The following NOS1AP variants were observed in gnomAD, a reference collection of about 807,000 sequenced individuals.
NOS1AP encodes the protein nitric oxide synthase 1 adaptor protein, also known as carboxyl-terminal PDZ ligand of neuronal nitric oxide synthase protein.
Under a neutral mutation model 56.2 loss-of-function variants are expected in NOS1AP, and 21 were observed. The ratio of observed to expected loss-of-function variants is 0.37; its 90% CI spans 0.26 to 0.54. NOS1AP has a LOEUF of 0.54. NOS1AP is among the 20% of genes least tolerant of loss of function. The probability of loss-of-function intolerance (pLI) is 0.84; values close to 1 mark genes in which losing one functional copy is unlikely to be tolerated. For synonymous variants in NOS1AP, 270 were observed against 274.6 expected (o/e 0.98, Z 0.17); for missense variants, 522 against 657.8 (o/e 0.79, Z 2.26).
At chr1:162,263,140 A>T (rs149502388) in intron 2 of NOS1AP, among the ~76,000 whole-genome samples, 55 of 152,336 alleles carry the variant, frequency 3.6e-4, no homozygotes, top group African/African-American at 1.0e-3. Flanking sequence ...GTAGGAAAAA[A>T]ATCCCTTCTA....
At chr1:162,264,472 TCCCCTCCCCTCCCCTCTC>T (rs1557855386) in intron 2 of NOS1AP, among the ~76,000 whole-genome samples, 86 of 97,184 alleles carry the variant, frequency 8.8e-4, no homozygotes, top group East Asian at 6.2e-3. Flanking sequence ...TCTCCTCCCC[TCCCCTCCCCTCCCCTCTC>T]CTCCTCTCCT....
chr1:162,168,980 G>A (rs956458793), intron 2 of NOS1AP, among the ~76,000 whole-genome samples: 3 of 152,178 alleles, frequency 2.0e-5, no homozygotes, highest in East Asian at 1.9e-4. Flanking sequence ...CAAGGATTCC[G>A]TCTCCCTCAG....
At chr1:162,213,738 A>G (rs1390213527) in intron 2 of NOS1AP, among the ~76,000 whole-genome samples, 1 of 151,858 alleles carries the variant, frequency 6.6e-6, no homozygotes, top group Non-Finnish European at 1.5e-5. Flanking sequence ...TTACTATTTG[A>G]CCCCTAGCTC....
At chr1:162,118,931 T>A (rs1157488730) in intron 1 of NOS1AP, among the ~76,000 whole-genome samples, 2 of 152,102 alleles carry the variant, frequency 1.3e-5, no homozygotes, top group African/African-American at 4.8e-5. Flanking sequence ...GGGAGTGGAA[T>A]TTAGCATATT....
At chr1:162,290,275 G>A (rs1655245957) in intron 3 of NOS1AP, among the ~76,000 whole-genome samples, 1 of 152,206 alleles carries the variant, frequency 6.6e-6, no homozygotes, top group Non-Finnish European at 1.5e-5. Flanking sequence ...CACACTTAGT[G>A]TCCGTTCCAG....
chr1:162,345,931 A>C (rs546561366), intron 6 of NOS1AP, among the ~76,000 whole-genome samples: 4 of 152,342 alleles, frequency 2.6e-5, no homozygotes, highest in African/African-American at 7.2e-5. Context: ...GAATAGAAAA[A>C]ATCCTGGAAA....
chr1:162,182,494 A>G (rs573210560), intron 2 of NOS1AP, among the ~76,000 whole-genome samples: 31 of 152,344 alleles, frequency 2.0e-4, no homozygotes, highest in South Asian at 6.2e-4. Context: ...TAAAGCAACA[A>G]TGAAATTTGC....
chr1:162,194,276 C>T (rs1003221581), intron 2 of NOS1AP, among the ~76,000 whole-genome samples: 6 of 152,090 alleles, frequency 3.9e-5, no homozygotes, highest in African/African-American at 1.2e-4. Context: ...TTTAATAGAG[C>T]AGAGAGTCTA....
At chr1:162,095,191 G>T (rs1455264504) in intron 1 of NOS1AP, among the ~76,000 whole-genome samples, 1 of 152,208 alleles carries the variant, frequency 6.6e-6, no homozygotes, top group African/African-American at 2.4e-5. Context: ...GAATTTTTGT[G>T]TTGAGGCCCT....
chr1:162,196,873 G>A (rs1651822467), intron 2 of NOS1AP, among the ~76,000 whole-genome samples: 1 of 152,228 alleles, frequency 6.6e-6, no homozygotes, highest in African/African-American at 2.4e-5. Context: ...GAGTAGAGTA[G>A]GGCTGGAGGC....
intron 3 of NOS1AP, among the ~76,000 whole-genome samples, chr1:162,295,183 CCTCT>C (rs941653427): frequency 1.3e-5 from 2 of 152,160 alleles, no homozygotes; most frequent in African/African-American, 4.8e-5. Flanking sequence ...CTCCTTTTCT[CCTCT>C]CTTTCTCCTC....
At chr1:162,102,471 AG>A (rs1475689235) in intron 1 of NOS1AP, among the ~76,000 whole-genome samples, 1 of 152,234 alleles carries the variant, frequency 6.6e-6, no homozygotes, top group African/African-American at 2.4e-5. Flanking sequence ...AGAATGAGTT[AG>A]GGAGGAGTCC....
At chr1:162,223,228 C>T (rs909501552) in intron 2 of NOS1AP, among the ~76,000 whole-genome samples, 6 of 152,138 alleles carry the variant, frequency 3.9e-5, no homozygotes, top group African/African-American at 1.4e-4. Flanking sequence ...CTCCTCTTAA[C>T]TTAGAGGTGC....
In NOS1AP at chr1:162,280,324, T is replaced by G. The variant is rs1654877594; in HGVS notation, c.178-7020T>G. Among the ~76,000 whole-genome samples, 11 of 152,242 alleles carry G rather than the reference T, an allele frequency of 7.2e-5. No individual in the cohort carries two copies. In the South Asian group the frequency reaches 2.3e-3, roughly 32 times the overall value. ...ACTAGCAATAGCACTTTCATAAGAATCTATCTTGTTACAAGAATAGCTATA... is the reference window on the plus strand; with the variant it reads ...ACTAGCAATAGCACTTTCATAAGAAGCTATCTTGTTACAAGAATAGCTATA... On this transcript the variant is annotated intron_variant, in intron 2 of 9. Transcript: ENST00000361897.
chr1:162,089,639 C>T (rs1365663218), intron 1 of NOS1AP, among the ~76,000 whole-genome samples: 2 of 152,078 alleles, frequency 1.3e-5, no homozygotes, highest in Non-Finnish European at 2.9e-5. Context: ...TCTGGGTGGG[C>T]TTTAAATATA....
At chr1:162,287,254 C>A in intron 2 of NOS1AP, 90 bp from the exon 3 acceptor site, 1 of 906,448 alleles carries the variant, frequency 1.1e-6, no homozygotes, top group Non-Finnish European at 1.8e-6. Flanking sequence ...TGTCTGGGGA[C>A]CTTTTTTCCA....
At chr1:162,194,370 T>C (rs1002871341) in intron 2 of NOS1AP, among the ~76,000 whole-genome samples, 28 of 152,130 alleles carry the variant, frequency 1.8e-4, no homozygotes, top group Non-Finnish European at 4.4e-5. Flanking sequence ...CTGTAGGTTG[T>C]GAGTTTGCGC....
At chr1:162,161,270 G>C (rs1036662470) in intron 2 of NOS1AP, among the ~76,000 whole-genome samples, 2 of 152,188 alleles carry the variant, frequency 1.3e-5, no homozygotes, top group African/African-American at 4.8e-5. Context: ...ATTAGGTCAT[G>C]GACCTCTTTG....
chr1:162,116,436 CT>C (rs1647955924), intron 1 of NOS1AP, among the ~76,000 whole-genome samples: 2 of 152,152 alleles, frequency 1.3e-5, no homozygotes, highest in East Asian at 3.9e-4. Flanking sequence ...CTTCTTTTGT[CT>C]TTCTTGGGAT....
Sources: allele counts gnomAD v4.1 joint callset (sites outside exome capture counted in the v4.1 genomes callset), GRCh38; gene constraint gnomAD v4.1.1; transcripts MANE v1.5; gene names NCBI Gene and HGNC (gene_info 2026-07-23, HGNC 2026-07-21).